The following NIPAL2 variants were observed in gnomAD, a reference collection of about 807,000 sequenced individuals.
The protein encoded by NIPAL2 is NIPA like domain containing 2.
Under a neutral mutation model 48.9 loss-of-function variants are expected in NIPAL2, and 43 were observed. That is an observed-to-expected ratio of 0.88 (90% CI 0.69 to 1.13). NIPAL2 has a LOEUF of 1.13. Ranked by LOEUF, NIPAL2 falls within the 50% of genes most tolerant of loss-of-function variation. The pLI, the probability that NIPAL2 is intolerant of heterozygous loss-of-function variation, is 0.00. For missense variants in NIPAL2, 446 were observed against 461.4 expected (o/e 0.97, Z 0.31); for synonymous variants, 167 against 174.6 (o/e 0.96, Z 0.34).
intron 3 of NIPAL2, among the ~76,000 whole-genome samples, chr8:98,247,085 C>T (rs762779857): frequency 6.6e-6 from 1 of 152,056 alleles, no homozygotes; most frequent in Non-Finnish European, 1.5e-5. Context: ...GAACTCAATC[C>T]CCAAAGGACA....
chr8:98,288,148 T>C (rs1816285065), intron 1 of NIPAL2, among the ~76,000 whole-genome samples: 1 of 151,656 alleles, frequency 6.6e-6, no homozygotes, highest in African/African-American at 2.4e-5. Flanking sequence ...CACTAACTCG[T>C]CATCTAGCAT....
intron 7 of NIPAL2, among the ~76,000 whole-genome samples, chr8:98,204,688 C>T (rs1329931739): frequency 2.6e-5 from 4 of 151,968 alleles, no homozygotes; most frequent in African/African-American, 7.3e-5. Context: ...TGTCTGGTTT[C>T]GTCCTTCTCT....
chr8:98,276,476 C>T (rs534221044), intron 1 of NIPAL2, among the ~76,000 whole-genome samples: 8 of 152,124 alleles, frequency 5.3e-5, no homozygotes, highest in Non-Finnish European at 1.2e-4. Flanking sequence ...CTGAAGGACA[C>T]CTTGGTTGCT....
intron 1 of NIPAL2, among the ~76,000 whole-genome samples, chr8:98,278,295 G>C (rs1414077988): frequency 6.6e-6 from 1 of 152,030 alleles, no homozygotes; most frequent in South Asian, 2.1e-4. Flanking sequence ...TTTAGGTTTT[G>C]TTTGGGACTC....
intron 1 of NIPAL2, among the ~76,000 whole-genome samples, chr8:98,292,428 C>G (rs1253519363): frequency 2.6e-5 from 4 of 152,188 alleles, no homozygotes; most frequent in Non-Finnish European, 5.9e-5. Context: ...AATGGCAAAA[C>G]TTGATACAGT....
At chr8:98,264,791 A>T (rs937667713) in intron 1 of NIPAL2, among the ~76,000 whole-genome samples, 4 of 152,202 alleles carry the variant, frequency 2.6e-5, no homozygotes, top group African/African-American at 7.2e-5. Context: ...TTTAAAGTTC[A>T]TATGGAACCA....
chr8:98,227,777 A>T (rs998458327), intron 4 of NIPAL2, among the ~76,000 whole-genome samples: 1 of 152,220 alleles, frequency 6.6e-6, no homozygotes, highest in Non-Finnish European at 1.5e-5. Context: ...ACTGGATCGC[A>T]TGCCCCTCAA....
chr8:98,283,475 A>G (rs112421230), intron 1 of NIPAL2, among the ~76,000 whole-genome samples: 2 of 152,376 alleles, frequency 1.3e-5, no homozygotes, highest in African/African-American at 4.8e-5. Context: ...AAACAAAAAC[A>G]GACATGCTGA....
At chr8:98,289,546 G>A (rs1402729484) in intron 1 of NIPAL2, among the ~76,000 whole-genome samples, 2 of 148,388 alleles carry the variant, frequency 1.3e-5, no homozygotes, top group Non-Finnish European at 3.0e-5. Context: ...GGACAGCATC[G>A]TTCTATGTTG....
At chr8:98,231,446 T>C (rs1378891971) in intron 4 of NIPAL2, among the ~76,000 whole-genome samples, 3 of 152,202 alleles carry the variant, frequency 2.0e-5, no homozygotes, top group African/African-American at 7.2e-5. Context: ...TCTCCTGATA[T>C]TCTATTTAGG....
chr8:98,258,121 A>C (rs1185362576), intron 1 of NIPAL2, among the ~76,000 whole-genome samples: 4 of 152,144 alleles, frequency 2.6e-5, no homozygotes, highest in African/African-American at 9.7e-5. Flanking sequence ...TGCTAAGTGA[A>C]ATCAGCCAAT....
At chr8:98,205,284 T>A (rs1281931707) in intron 6 of NIPAL2, 38 bp from the exon 7 acceptor site, 1 of 1,563,802 alleles carries the variant, frequency 6.4e-7, no homozygotes, top group Non-Finnish European at 8.7e-7. Context: ...AAAGAACATA[T>A]TTCAGATTGA....
At chr8:98,220,041 A>AT (rs1361912486) in intron 5 of NIPAL2, among the ~76,000 whole-genome samples, 1,831 of 147,752 alleles carry the variant, frequency 0.012, 33 homozygotes, top group African/African-American at 0.042. Context: ...GTGTATGAGA[A>AT]TTTTTTTTTT....
rs143706109 is a variant in NIPAL2 at position 98,245,510 on chromosome 8, C to G, written c.376+6953G>C. 2.0e-5 allele frequency among the ~76,000 whole-genome samples: 3 copies of G among 152,282 alleles called. No homozygotes were observed. The East Asian group carries it at 5.8e-4, about 29-fold the overall frequency. On this transcript the variant is annotated intron_variant, in intron 3 of 10. Transcript: ENST00000430223. ...TTACTGAAGATAATGAAGGAACTGT[C>G]GTTCAGAGACAATTTGCATAATTTC...
At chr8:98,265,636 G>T (rs1814672560) in intron 1 of NIPAL2, among the ~76,000 whole-genome samples, 2 of 138,800 alleles carry the variant, frequency 1.4e-5, no homozygotes, top group Middle Eastern at 3.5e-3. Flanking sequence ...GAAACAACAG[G>T]TGCTGGAGAG....
chr8:98,217,243 G>A, intron 5 of NIPAL2: 1 of 985,444 alleles, frequency 1.0e-6, no homozygotes. Flanking sequence ...GTCTCTGTGA[G>A]GCTTCCATTT....
At chr8:98,276,351 C>A (rs1274755406) in intron 1 of NIPAL2, among the ~76,000 whole-genome samples, 3 of 152,132 alleles carry the variant, frequency 2.0e-5, no homozygotes, top group African/African-American at 7.2e-5. Context: ...TAGTATGTAG[C>A]CTTTTCAGAT....
intron 1 of NIPAL2, among the ~76,000 whole-genome samples, chr8:98,261,348 C>A: frequency 7.8e-6 from 1 of 128,766 alleles, no homozygotes; most frequent in East Asian, 2.2e-4. Context: ...GGAGGACATT[C>A]AAACCAAAGG....
intron 4 of NIPAL2, among the ~76,000 whole-genome samples, chr8:98,235,334 C>A (rs1427009223): frequency 6.6e-6 from 1 of 152,206 alleles, no homozygotes; most frequent in East Asian, 1.9e-4. Flanking sequence ...CTGGAAAATT[C>A]AACACATAAG....
Sources: allele counts gnomAD v4.1 joint callset (sites outside exome capture counted in the v4.1 genomes callset), GRCh38; gene constraint gnomAD v4.1.1; transcripts MANE v1.5; gene names NCBI Gene and HGNC (gene_info 2026-07-23, HGNC 2026-07-21).